NRXN1: variants seen among roughly 807,000 people sequenced by gnomAD.
The protein encoded by NRXN1 is neurexin 1.
NRXN1 carries 39 observed loss-of-function variants against 150.9 expected under a neutral mutation model. That is an observed-to-expected ratio of 0.26 (90% confidence interval 0.20 to 0.34). The LOEUF is 0.34. Ranked by LOEUF, NRXN1 falls within the 10% of genes least tolerant of loss-of-function variation. The probability of loss-of-function intolerance (pLI) is 1.00; values close to 1 mark genes in which losing one functional copy is unlikely to be tolerated. For synonymous variants in NRXN1, 924 were observed against 757.0 expected, an observed-to-expected ratio of 1.22 and a Z score of -3.62; for missense variants, 1,815 against 1,949.9, an observed-to-expected ratio of 0.93 and a Z score of 1.30.
At chr2:50,744,841 G>C (rs530420093) in intron 5 of NRXN1, among the ~76,000 whole-genome samples, 1 of 152,256 alleles carries the variant, frequency 6.6e-6, no homozygotes, top group South Asian at 2.1e-4. Flanking sequence ...AAGTAGCATG[G>C]AGTAGTATGA....
intron 2 of NRXN1, among the ~76,000 whole-genome samples, chr2:50,983,151 T>G (rs749786951): frequency 2.0e-5 from 3 of 152,100 alleles, no homozygotes; most frequent in Non-Finnish European, 2.9e-5. Flanking sequence ...AGTCTAGATA[T>G]AGTATAAATA....
chr2:49,930,422 C>A (rs376100797), intron 22 of NRXN1, among the ~76,000 whole-genome samples: 3 of 152,154 alleles, frequency 2.0e-5, no homozygotes, highest in East Asian at 3.9e-4. Flanking sequence ...AACAACCTAA[C>A]AGAAGTATGG....
At chr2:50,962,912 G>T (rs989697041) in intron 2 of NRXN1, among the ~76,000 whole-genome samples, 7 of 151,522 alleles carry the variant, frequency 4.6e-5, no homozygotes, top group African/African-American at 1.5e-4. Flanking sequence ...AAAGCATTCT[G>T]AAAAATACAG....
rs2105178211 is a variant in NRXN1 at position 50,728,177 on chromosome 2, CTTA to C, written c.833-104565_833-104563del. Among the ~76,000 whole-genome samples, 3 of 152,222 alleles carry C rather than the reference CTTA, an allele frequency of 2.0e-5. 1 individual carries two copies. The South Asian group carries it at 6.2e-4, about 32-fold the overall frequency. On this transcript the variant is annotated intron_variant, in intron 5 of 22. Coordinates refer to ENST00000401669, the MANE Select transcript of NRXN1 (RefSeq NM_001330078.2). ...ATGTTTGAGACAGAGACTTCTTCATCTTATTATAGACACTTATATGACTCATAA... is the reference window on the plus strand; with the variant it reads ...ATGTTTGAGACAGAGACTTCTTCATCTTATAGACACTTATATGACTCATAA...
intron 5 of NRXN1, among the ~76,000 whole-genome samples, chr2:50,893,410 T>A (rs1427942334): frequency 6.6e-6 from 1 of 152,134 alleles, no homozygotes. Flanking sequence ...TGTGAATAAT[T>A]TTTAATGAGA....
At chr2:50,521,529 T>A (rs1161898819) in intron 12 of NRXN1, among the ~76,000 whole-genome samples, 5 of 152,180 alleles carry the variant, frequency 3.3e-5, no homozygotes, top group Admixed American at 3.3e-4. Flanking sequence ...TTTGCTCACA[T>A]TGTTAATAAG....
chr2:50,269,830 G>A (rs541769206), intron 17 of NRXN1, among the ~76,000 whole-genome samples: 35 of 152,256 alleles, frequency 2.3e-4, no homozygotes, highest in African/African-American at 8.2e-4. Context: ...CCTTAAAGAG[G>A]CGGAAAGGTC....
intron 2 of NRXN1, among the ~76,000 whole-genome samples, chr2:51,006,046 C>T (rs988261276): frequency 1.3e-5 from 2 of 151,612 alleles, no homozygotes; most frequent in African/African-American, 4.8e-5. Flanking sequence ...GACAAATCTA[C>T]ATTTTTTCTT....
intron 17 of NRXN1, among the ~76,000 whole-genome samples, chr2:50,448,324 C>G (rs765853686): frequency 1.4e-4 from 21 of 152,108 alleles, no homozygotes; most frequent in Non-Finnish European, 2.1e-4. Flanking sequence ...CTTTCTCCCT[C>G]CAATTAAAGA....
chr2:50,237,021 A>G lies in NRXN1; in HGVS notation c.3365-51T>C, dbSNP rs763471967. 7.7e-6 allele frequency: 12 copies of G among 1,549,110 alleles called. No individual in the cohort carries two copies. The South Asian group carries it at 7.8e-5, about 10-fold the overall frequency. ...TAGTCCAAATACATCAAGTCTGCAC[A>G]TTAGCAAGGCATGTTATATTGATAT... On this transcript the variant is annotated intron_variant, in intron 17 of 22. Transcript: ENST00000401669.
chr2:50,842,476 T>G (rs1673015369), intron 5 of NRXN1, among the ~76,000 whole-genome samples: 1 of 152,192 alleles, frequency 6.6e-6, no homozygotes, highest in South Asian at 2.1e-4. Context: ...CTCATTAAGT[T>G]AGCACCAAAC....
intron 12 of NRXN1, among the ~76,000 whole-genome samples, chr2:50,511,171 C>T (rs2092439462): frequency 6.6e-6 from 1 of 152,066 alleles, no homozygotes; most frequent in African/African-American, 2.4e-5. Context: ...AGTGACTCTC[C>T]TGCCTCAGCC....
intron 8 of NRXN1, among the ~76,000 whole-genome samples, chr2:50,591,381 C>CAGATAGATAGAT (rs59774040): frequency 0.021 from 2,858 of 134,784 alleles, 43 homozygotes; most frequent in Admixed American, 0.033. Context: ...CACTATATAT[C>CAGATAGATAGAT]AGATAGATAG....
intron 17 of NRXN1, among the ~76,000 whole-genome samples, chr2:50,253,032 C>T (rs1162154686): frequency 6.6e-6 from 1 of 152,098 alleles, no homozygotes; most frequent in Admixed American, 6.6e-5. Context: ...ATTGATTCTT[C>T]CTATCCATGA....
chr2:50,130,916 C>T (rs554509445), intron 18 of NRXN1, among the ~76,000 whole-genome samples: 4 of 152,146 alleles, frequency 2.6e-5, no homozygotes, highest in Admixed American at 6.6e-5. Flanking sequence ...CCGGATGTAA[C>T]GACTAATAAT....
intron 17 of NRXN1, among the ~76,000 whole-genome samples, chr2:50,328,720 A>T (rs2076551239): frequency 6.6e-6 from 1 of 152,184 alleles, no homozygotes; most frequent in African/African-American, 2.4e-5. Flanking sequence ...CAGGCAACAG[A>T]GTGAGACTCC....
chr2:50,280,481 C>G (rs1393997032), intron 17 of NRXN1, among the ~76,000 whole-genome samples: 1 of 152,068 alleles, frequency 6.6e-6, no homozygotes, highest in East Asian at 1.9e-4. Flanking sequence ...GAACCTCAGT[C>G]TTTGGAGTTT....
intron 2 of NRXN1, chr2:50,979,231 C>G: frequency 1.9e-6 from 1 of 515,852 alleles, no homozygotes; most frequent in South Asian, 1.4e-5. Flanking sequence ...TGAGAAAAGA[C>G]TAAGATTCTC....
At chr2:50,162,035 C>T (rs1434453966) in intron 18 of NRXN1, among the ~76,000 whole-genome samples, 1 of 152,084 alleles carries the variant, frequency 6.6e-6, no homozygotes, top group Non-Finnish European at 1.5e-5. Flanking sequence ...CTTAATCCAA[C>T]CACTTGATAT....
Sources: allele counts gnomAD v4.1 joint callset (sites outside exome capture counted in the v4.1 genomes callset), GRCh38; gene constraint gnomAD v4.1.1; transcripts MANE v1.5; gene names NCBI Gene and HGNC (gene_info 2026-07-23, HGNC 2026-07-21).